TMPRSS15: variants seen among roughly 807,000 people sequenced by gnomAD.
TMPRSS15 encodes transmembrane serine protease 15.
TMPRSS15 carries 128 observed loss-of-function variants against 125.3 expected under a neutral mutation model. That is an observed-to-expected ratio of 1.02 (90% confidence interval 0.89 to 1.18). The LOEUF (loss-of-function observed/expected upper bound fraction) is 1.18. TMPRSS15 is among the 50% of genes most tolerant of loss of function. The pLI is 0.00. For missense variants in TMPRSS15, 1,283 were observed against 1,212.7 expected, an observed-to-expected ratio of 1.06 and a Z score of -0.86; for synonymous variants, 446 against 423.2, an observed-to-expected ratio of 1.05 and a Z score of -0.66.
intron 7 of TMPRSS15, among the ~76,000 whole-genome samples, chr21:18,362,689 T>C (rs2075689250): frequency 6.6e-6 from 1 of 152,198 alleles, no homozygotes; most frequent in African/African-American, 2.4e-5. Context: ...ATTGTGTCAG[T>C]AGTTAATATT....
chr21:18,272,550 C>G (rs2146851118), intron 24 of TMPRSS15, among the ~76,000 whole-genome samples: 1 of 151,956 alleles, frequency 6.6e-6, no homozygotes, highest in African/African-American at 2.4e-5. Flanking sequence ...ATGGTGAAAC[C>G]CGGTCTCTAC....
At chr21:18,412,596 C>T (rs2076168820) in intron 1 of TMPRSS15, among the ~76,000 whole-genome samples, 2 of 152,112 alleles carry the variant, frequency 1.3e-5, no homozygotes, top group Non-Finnish European at 2.9e-5. Context: ...TACATAGCTT[C>T]TTTGCTGCTG....
intron 18 of TMPRSS15, among the ~76,000 whole-genome samples, chr21:18,299,065 C>G (rs779009956): frequency 6.6e-6 from 1 of 152,132 alleles, no homozygotes; most frequent in Non-Finnish European, 1.5e-5. Flanking sequence ...ATAAAAGTAA[C>G]TGAAACACAC....
chr21:18,334,862 A>C (rs1053539141), intron 13 of TMPRSS15, among the ~76,000 whole-genome samples: 1 of 152,186 alleles, frequency 6.6e-6, no homozygotes, highest in Non-Finnish European at 1.5e-5. Context: ...TATAATTGGC[A>C]CTTGATACGT....
intron 24 of TMPRSS15, among the ~76,000 whole-genome samples, chr21:18,272,019 G>GTAAA (rs1164957377): frequency 6.6e-6 from 1 of 152,126 alleles, no homozygotes; most frequent in Admixed American, 6.5e-5. Context: ...CTTTGCTATT[G>GTAAA]TAAATAGTGC....
At chr21:18,345,388 G>A (rs1601365695) in intron 10 of TMPRSS15, among the ~76,000 whole-genome samples, 2 of 152,020 alleles carry the variant, frequency 1.3e-5, no homozygotes, top group African/African-American at 4.8e-5. Flanking sequence ...ACTCCAAATC[G>A]CTTTTGAATT....
intron 6 of TMPRSS15, among the ~76,000 whole-genome samples, chr21:18,365,743 C>CTTTTTT (rs36165986): frequency 1.2e-5 from 1 of 83,842 alleles, no homozygotes; most frequent in Non-Finnish European, 2.3e-5. Context: ...CTCTTTTTTC[C>CTTTTTT]TTTTTTTTTT....
chr21:18,348,283 C>T (rs2075530250), intron 10 of TMPRSS15, among the ~76,000 whole-genome samples: 1 of 152,160 alleles, frequency 6.6e-6, no homozygotes, highest in Non-Finnish European at 1.5e-5. Flanking sequence ...AAACTCCTTT[C>T]CATCACTTTT....
At chr21:18,472,979 T>C (rs1003942792) in intron 1 of TMPRSS15, among the ~76,000 whole-genome samples, 14 of 152,252 alleles carry the variant, frequency 9.2e-5, no homozygotes. Context: ...TGTTATTGTT[T>C]GTATCCAGAT....
intron 1 of TMPRSS15, among the ~76,000 whole-genome samples, chr21:18,481,579 A>G (rs188165968): frequency 7.9e-5 from 12 of 151,886 alleles, no homozygotes; most frequent in South Asian, 2.1e-4. Flanking sequence ...AATAAAACCT[A>G]CAGAAGACGG....
intron 1 of TMPRSS15, among the ~76,000 whole-genome samples, chr21:18,480,062 A>G (rs1047814109): frequency 6.6e-6 from 1 of 152,062 alleles, no homozygotes; most frequent in African/African-American, 2.4e-5. Context: ...GCAGCCATGA[A>G]AAAGGATGAG....
At chr21:18,444,473 G>T (rs999728525) in intron 1 of TMPRSS15, among the ~76,000 whole-genome samples, 3 of 152,020 alleles carry the variant, frequency 2.0e-5, no homozygotes, top group Non-Finnish European at 4.4e-5. Context: ...TCCCACACTG[G>T]GGCCTGTTGG....
chr21:18,301,007 A>C (rs965984248), intron 18 of TMPRSS15, among the ~76,000 whole-genome samples: 1 of 152,192 alleles, frequency 6.6e-6, no homozygotes, highest in African/African-American at 2.4e-5. Flanking sequence ...TGATCTTTTC[A>C]ACATTTTTAG....
chr21:18,310,933 C>CTTTTTT (rs71329779), intron 18 of TMPRSS15, among the ~76,000 whole-genome samples: 2 of 136,870 alleles, frequency 1.5e-5, no homozygotes, highest in Non-Finnish European at 3.1e-5. Context: ...CCCACTGATT[C>CTTTTTT]TTTTTTTTTT....
intron 8 of TMPRSS15, among the ~76,000 whole-genome samples, chr21:18,356,239 C>T (rs115242901): frequency 4.6e-5 from 7 of 151,746 alleles, no homozygotes; most frequent in African/African-American, 1.4e-4. Flanking sequence ...TTTGGAAAGA[C>T]GGCAATGGAC....
chr21:18,328,637 G>A (rs1406812104), intron 15 of TMPRSS15, among the ~76,000 whole-genome samples: 1 of 152,154 alleles, frequency 6.6e-6, no homozygotes, highest in African/African-American at 2.4e-5. Context: ...AGGCTACTGG[G>A]AGGGGTGGTG....
intron 1 of TMPRSS15, among the ~76,000 whole-genome samples, chr21:18,440,669 T>G (rs2076239558): frequency 6.6e-6 from 1 of 152,104 alleles, no homozygotes; most frequent in Non-Finnish European, 1.5e-5. Flanking sequence ...CAGAAAATAT[T>G]CATTGATTTT....
In TMPRSS15 at chr21:18,353,060, T is replaced by A. The variant is rs749356922; in HGVS notation, c.1022-8A>T. Reference sequence around the variant, plus strand: ...AATTAATTTTCTCATAATCTGTGAATGAAAAAAAAGAAGGAATAAAAAAAA... The same window carrying A: ...AATTAATTTTCTCATAATCTGTGAAAGAAAAAAAAGAAGGAATAAAAAAAA... On this transcript the variant is annotated splice_region_variant and splice_polypyrimidine_tract_variant and intron_variant, in intron 9 of 24. Transcript: ENST00000284885. 1 of 1,606,160 alleles carries A rather than the reference T, an allele frequency of 6.2e-7. No individual in the cohort carries two copies. Among genetic ancestry groups the A allele is most frequent in the Non-Finnish European group, 8.5e-7 (1 of 1,177,080 alleles).
In TMPRSS15 at chr21:18,383,695, C is replaced by T; in HGVS notation, c.428G>A (p.Gly143Asp). ...DENVKEELIQ[G>D]LEANKSSQLV... ...TTGGCTGGATTTATTTGCTTCAAGG[C>T]CTTGAATCAGTTCTTCTTTTACATT... The change falls in exon 4 of 25, where the codon GGC becomes GAC. Residue 143 changes from glycine to aspartate, a missense_variant. Physicochemically the swap from Gly to Asp is moderately conservative, Grantham distance 94. Transcript: ENST00000284885. 1 of 1,613,964 alleles carries T rather than the reference C, an allele frequency of 6.2e-7. No homozygotes were observed. The highest frequency in any genetic ancestry group is 8.5e-7 in the Non-Finnish European group (1 of 1,179,940).
Sources: allele counts gnomAD v4.1 joint callset (sites outside exome capture counted in the v4.1 genomes callset), GRCh38; gene constraint gnomAD v4.1.1; transcripts MANE v1.5; gene names NCBI Gene and HGNC (gene_info 2026-07-23, HGNC 2026-07-21).